Variants in CDH9 observed in about 807,000 individuals in gnomAD.
CDH9 encodes cadherin-9.
Under a neutral mutation model 70.9 loss-of-function variants are expected in CDH9, and 28 were observed. The ratio of observed to expected loss-of-function variants is 0.40; its 90% CI spans 0.29 to 0.54. The LOEUF is 0.54. CDH9 is among the 20% of genes least tolerant of loss of function. The probability of loss-of-function intolerance (pLI) is 0.59; values close to 1 mark genes in which losing one functional copy is unlikely to be tolerated. For synonymous variants in CDH9, 409 were observed against 343.1 expected (o/e 1.19, Z -2.12); for missense variants, 874 against 984.4 (o/e 0.89, Z 1.50).
At chr5:26,964,007 T>A (rs1171202513) in intron 2 of CDH9, among the ~76,000 whole-genome samples, 4 of 152,236 alleles carry the variant, frequency 2.6e-5, no homozygotes, top group African/African-American at 9.6e-5. Flanking sequence ...ACATTAACCT[T>A]TTCCATAAAA....
chr5:26,891,184 T>C (rs1740653722), intron 7 of CDH9, among the ~76,000 whole-genome samples: 1 of 152,216 alleles, frequency 6.6e-6, no homozygotes, highest in Admixed American at 6.5e-5. Flanking sequence ...CTTTGTATCT[T>C]ATTAAAGATA....
chr5:26,961,310 AT>A (rs1742031028), intron 2 of CDH9, among the ~76,000 whole-genome samples: 3 of 152,140 alleles, frequency 2.0e-5, no homozygotes, highest in African/African-American at 7.2e-5. Context: ...GCAACATGTT[AT>A]TATCAGCTAT....
At chr5:27,020,728 G>A (rs909883912) in intron 1 of CDH9, among the ~76,000 whole-genome samples, 1 of 147,196 alleles carries the variant, frequency 6.8e-6, no homozygotes, top group East Asian at 2.0e-4. Context: ...ATTCACACAC[G>A]CACACACACA....
At chr5:26,953,932 C>G (rs1371305419) in intron 2 of CDH9, among the ~76,000 whole-genome samples, 1 of 151,730 alleles carries the variant, frequency 6.6e-6, no homozygotes, top group African/African-American at 2.4e-5. Flanking sequence ...TTTCTGTATA[C>G]TATATGAAAC....
At chr5:27,035,053 T>C (rs1743368911) in intron 1 of CDH9, among the ~76,000 whole-genome samples, 1 of 151,250 alleles carries the variant, frequency 6.6e-6, no homozygotes, top group African/African-American at 2.4e-5. Flanking sequence ...ATCTATCATC[T>C]ATGTATTTAT....
At chr5:26,960,347 C>A (rs79359543) in intron 2 of CDH9, among the ~76,000 whole-genome samples, 1 of 151,912 alleles carries the variant, frequency 6.6e-6, no homozygotes, top group Non-Finnish European at 1.5e-5. Flanking sequence ...CTCCCATATG[C>A]TGCTTCTAAA....
At chr5:26,988,812 A>C (rs962612294) in intron 1 of CDH9, among the ~76,000 whole-genome samples, 1 of 151,980 alleles carries the variant, frequency 6.6e-6, no homozygotes, top group Non-Finnish European at 1.5e-5. Flanking sequence ...ATAATCCATC[A>C]TTTTTAGTAA....
At chr5:26,944,232 C>T in intron 2 of CDH9, among the ~76,000 whole-genome samples, 1 of 88,626 alleles carries the variant, frequency 1.1e-5, no homozygotes. Flanking sequence ...ACTGATTTTC[C>T]ATTTCCTATC....
chr5:26,886,406 G>T (rs568902536), intron 9 of CDH9, among the ~76,000 whole-genome samples: 9 of 151,974 alleles, frequency 5.9e-5, no homozygotes, highest in Non-Finnish European at 8.8e-5. Context: ...TTGTTGAAAG[G>T]CACAGTCCAT....
intron 2 of CDH9, among the ~76,000 whole-genome samples, chr5:26,922,379 C>T (rs892501971): frequency 5.9e-5 from 9 of 151,896 alleles, no homozygotes; most frequent in African/African-American, 1.7e-4. Context: ...CTTAAATGCA[C>T]CTGGCAACAG....
intron 2 of CDH9, among the ~76,000 whole-genome samples, chr5:26,934,545 C>T (rs1319888531): frequency 1.3e-5 from 2 of 152,126 alleles, no homozygotes; most frequent in Admixed American, 1.3e-4. Flanking sequence ...CCTCCTTGAT[C>T]TAATCACCTC....
chr5:26,952,715 T>C (rs1480614129), intron 2 of CDH9, among the ~76,000 whole-genome samples: 1 of 148,290 alleles, frequency 6.7e-6, no homozygotes, highest in East Asian at 2.0e-4. Context: ...AGATGAAAAG[T>C]AGTCCTCATG....
At chr5:27,011,542 T>G (rs1231165127) in intron 1 of CDH9, among the ~76,000 whole-genome samples, 3 of 152,156 alleles carry the variant, frequency 2.0e-5, no homozygotes, top group South Asian at 2.1e-4. Flanking sequence ...GCTTTCAGAT[T>G]TAGGCCTCCA....
chr5:26,926,305 AC>A (rs1681731288), intron 2 of CDH9, among the ~76,000 whole-genome samples: 1 of 151,024 alleles, frequency 6.6e-6, no homozygotes, highest in Non-Finnish European at 1.5e-5. Context: ...ATAACAGACA[AC>A]AGAGAGACAA....
At chr5:26,971,473 A>G (rs1742217449) in intron 2 of CDH9, among the ~76,000 whole-genome samples, 1 of 152,304 alleles carries the variant, frequency 6.6e-6, no homozygotes, top group Middle Eastern at 3.4e-3. Flanking sequence ...CAATGTATAA[A>G]ATTCACTAAA....
At chr5:26,954,431 C>CTGGAGTGCA (rs561515208) in intron 2 of CDH9, among the ~76,000 whole-genome samples, 496 of 99,734 alleles carry the variant, frequency 5.0e-3, no homozygotes, top group African/African-American at 0.02. Flanking sequence ...GTTGCCCAGG[C>CTGGAGTGCA]TGGAGTGCAG....
At chr5:26,935,647 C>A (rs1741545631) in intron 2 of CDH9, among the ~76,000 whole-genome samples, 1 of 152,118 alleles carries the variant, frequency 6.6e-6, no homozygotes, top group African/African-American at 2.4e-5. Context: ...TACTTTTAAA[C>A]TGCTGGAGGG....
intron 2 of CDH9, among the ~76,000 whole-genome samples, chr5:26,970,389 A>T (rs1742198077): frequency 6.6e-6 from 1 of 152,006 alleles, no homozygotes; most frequent in African/African-American, 2.4e-5. Flanking sequence ...GAATAATCCT[A>T]TTAGGTTTAT....
intron 2 of CDH9, among the ~76,000 whole-genome samples, chr5:26,982,852 T>G (rs892253797): frequency 2.6e-5 from 4 of 151,658 alleles, no homozygotes; most frequent in Admixed American, 2.0e-4. Flanking sequence ...CTGGATAATA[T>G]TTGTATTTTT....
Sources: gnomAD v4.1 joint callset for allele counts (sites outside exome capture counted in the v4.1 genomes callset) on GRCh38, gnomAD v4.1.1 for gene constraint, MANE v1.5 for transcripts, NCBI Gene and HGNC (gene_info 2026-07-23, HGNC 2026-07-21) for gene names.